The following LARGE1 variants were observed in gnomAD, a reference collection of about 807,000 sequenced individuals.
LARGE1 encodes LARGE xylosyl- and glucuronyltransferase 1.
In LARGE1, 43 loss-of-function variants were observed where a neutral mutation model predicts 87.6. That is an observed-to-expected ratio of 0.49 (90% CI 0.38 to 0.63). The LOEUF (loss-of-function observed/expected upper bound fraction) is 0.63. Among genes scored for constraint, LARGE1 ranks in the 30% least tolerant of loss-of-function variants. LARGE1 has a pLI of 0.00. For missense variants in LARGE1, 802 were observed against 1,000.2 expected (o/e 0.80, Z 2.67); for synonymous variants, 434 against 394.6 (o/e 1.10, Z -1.18).
At chr22:33,201,078 G>T (rs934554086) in intron 11 of LARGE1, among the ~76,000 whole-genome samples, 1 of 152,174 alleles carries the variant, frequency 6.6e-6, no homozygotes, top group African/African-American at 2.4e-5. Flanking sequence ...GGAGGCCGAG[G>T]CTGGGGGATC....
At chr22:33,684,610 G>C (rs2081889644) in intron 2 of LARGE1, among the ~76,000 whole-genome samples, 1 of 152,188 alleles carries the variant, frequency 6.6e-6, no homozygotes, top group Admixed American at 6.5e-5. Context: ...TGAGAACCTA[G>C]CTCAGGAGAA....
chr22:33,411,847 A>C (rs1223032663), intron 7 of LARGE1, among the ~76,000 whole-genome samples: 1 of 152,242 alleles, frequency 6.6e-6, no homozygotes, highest in African/African-American at 2.4e-5. Flanking sequence ...AATGTAGAAG[A>C]CGCCCAATAT....
intron 1 of LARGE1, among the ~76,000 whole-genome samples, chr22:33,765,970 C>T (rs761193566): frequency 2.0e-5 from 3 of 152,106 alleles, no homozygotes; most frequent in Non-Finnish European, 4.4e-5. Flanking sequence ...TTAAACCCAG[C>T]AGGTAAAAAA....
In LARGE1 at chr22:33,373,224, A is replaced by T. The variant is rs542311741; in HGVS notation, c.1131+8695T>A. Among the ~76,000 whole-genome samples the T allele has an allele frequency of 9.8e-5, 15 of 152,292 alleles. No homozygotes were observed. In the South Asian group the frequency reaches 2.7e-3, roughly 27 times the overall value. On this transcript the variant is annotated intron_variant, in intron 9 of 14. Coordinates refer to ENST00000397394, the MANE Select transcript of LARGE1 (RefSeq NM_133642.5). Reference sequence around the variant, plus strand: ...GCTTTGCTATTAAAAATACACTAAAACAAAACTAAAATTTTCATCCCCTAT... The same window carrying T: ...GCTTTGCTATTAAAAATACACTAAATCAAAACTAAAATTTTCATCCCCTAT...
At chr22:33,214,047 C>G (rs979763737) in intron 11 of LARGE1, among the ~76,000 whole-genome samples, 2 of 152,148 alleles carry the variant, frequency 1.3e-5, no homozygotes, top group Admixed American at 6.5e-5. Context: ...CCAGGGTGGT[C>G]TTGATTTCCT....
intron 9 of LARGE1, 65 bp downstream of exon 9, chr22:33,381,854 G>A (rs868424047): frequency 4.4e-6 from 7 of 1,596,300 alleles, no homozygotes; most frequent in Admixed American, 1.7e-5. Flanking sequence ...AGCCATCCAT[G>A]CCCCTGGGAG....
chr22:33,804,767 T>C (rs1468165455), intron 1 of LARGE1, among the ~76,000 whole-genome samples: 1 of 152,194 alleles, frequency 6.6e-6, no homozygotes, highest in Non-Finnish European at 1.5e-5. Context: ...CAGGTTTTAT[T>C]TTTCCAGAGC....
At chr22:33,160,397 C>T (rs978386982), downstream of LARGE1, among the ~76,000 whole-genome samples, 1 of 152,194 alleles carries the variant, frequency 6.6e-6, no homozygotes, top group Non-Finnish European at 1.5e-5. Context: ...TACTTGGCTC[C>T]TCCATTACTT....
chr22:33,721,736 T>C (rs184762983), intron 2 of LARGE1, among the ~76,000 whole-genome samples: 1 of 152,284 alleles, frequency 6.6e-6, no homozygotes, highest in East Asian at 1.9e-4. Flanking sequence ...AAACTCTAAG[T>C]GGCATAGAAG....
At chr22:33,254,079 TC>T (rs1927140370) in intron 11 of LARGE1, among the ~76,000 whole-genome samples, 1 of 152,138 alleles carries the variant, frequency 6.6e-6, no homozygotes, top group South Asian at 2.1e-4. Flanking sequence ...ACAGGCTGTT[TC>T]TTCAGAACTT....
intron 11 of LARGE1, among the ~76,000 whole-genome samples, chr22:33,215,898 G>A (rs1176468850): frequency 6.6e-6 from 1 of 152,184 alleles, no homozygotes; most frequent in Non-Finnish European, 1.5e-5. Context: ...AGAGGTTGCA[G>A]TGAGCCGAGA....
intron 1 of LARGE1, among the ~76,000 whole-genome samples, chr22:33,789,878 A>C (rs1316187742): frequency 6.6e-6 from 1 of 152,200 alleles, no homozygotes; most frequent in East Asian, 1.9e-4. Context: ...TAGGTGGAAG[A>C]GACTAGCCTT....
chr22:33,499,490 G>A (rs1392517901), intron 6 of LARGE1, among the ~76,000 whole-genome samples: 1 of 152,210 alleles, frequency 6.6e-6, no homozygotes, highest in Non-Finnish European at 1.5e-5. Flanking sequence ...GTGGAAGCCT[G>A]CAGCCCCAGG....
intron 2 of LARGE1, among the ~76,000 whole-genome samples, chr22:33,660,659 T>C (rs1399128682): frequency 6.6e-6 from 1 of 152,234 alleles, no homozygotes; most frequent in African/African-American, 2.4e-5. Context: ...TATGCAATAG[T>C]TGGACACAAT....
At chr22:33,601,346 C>A (rs905365078) in intron 5 of LARGE1, among the ~76,000 whole-genome samples, 1 of 151,960 alleles carries the variant, frequency 6.6e-6, no homozygotes, top group African/African-American at 2.4e-5. Context: ...TGTGGTTAGA[C>A]CCAGGGCAAG....
intron 6 of LARGE1, among the ~76,000 whole-genome samples, chr22:33,464,735 A>C (rs1043204978): frequency 2.0e-5 from 3 of 152,206 alleles, no homozygotes; most frequent in African/African-American, 7.2e-5. Flanking sequence ...GGTGGCAATA[A>C]GAACTCTTCA....
In LARGE1 at chr22:33,381,956, C is replaced by T. The variant is rs749284964; in HGVS notation, c.1094G>A (p.Arg365His). The T allele has an allele frequency of 9.3e-6, 15 of 1,614,060 alleles. No homozygotes were observed. The highest frequency in any genetic ancestry group is 3.3e-5 in the Admixed American group (2 of 60,008). The change falls in exon 9 of 15, where the codon CGC becomes CAC. Residue 365 changes from arginine (R) to histidine (H), a missense_variant. By Grantham distance (29) the Arg-to-His change is conservative (BLOSUM62 0). This residue lies in a region of LARGE1 where 625 missense variants were observed against 841.9 expected (regional missense o/e 0.74). Transcript: ENST00000397394. ...CACGTCTCTGTAGCACTGCTCGGAGCGGGTGTGGTCTGACAGCTGCACATT... is the reference window on the plus strand; with the variant it reads ...CACGTCTCTGTAGCACTGCTCGGAGTGGGTGTGGTCTGACAGCTGCACATT... ...FWNVQLSDHTRSEQCYRDVSD... is the reference protein window; with the variant it reads ...FWNVQLSDHTHSEQCYRDVSD...
chr22:33,666,353 G>A (rs2081267567), intron 2 of LARGE1, among the ~76,000 whole-genome samples: 1 of 152,176 alleles, frequency 6.6e-6, no homozygotes, highest in Non-Finnish European at 1.5e-5. Context: ...CAGAAAGAAG[G>A]CAATTTCCTG....
At chr22:33,835,213 T>C (rs1364951625) in intron 1 of LARGE1, among the ~76,000 whole-genome samples, 1 of 152,240 alleles carries the variant, frequency 6.6e-6, no homozygotes, top group Non-Finnish European at 1.5e-5. Flanking sequence ...TATAATATTT[T>C]ACTGCTAGAG....
Sources: allele counts gnomAD v4.1 joint callset (sites outside exome capture counted in the v4.1 genomes callset), GRCh38; gene constraint gnomAD v4.1.1; regional missense constraint gnomAD v4.1.1; transcripts MANE v1.5; gene names NCBI Gene and HGNC (gene_info 2026-07-23, HGNC 2026-07-21).